UHRF2: variants seen among roughly 807,000 people sequenced by gnomAD.
The protein encoded by UHRF2 is ubiquitin like with PHD and ring finger domains 2, also known as E3 ubiquitin-protein ligase UHRF2.
In UHRF2, 23 loss-of-function variants were observed where a neutral mutation model predicts 96.8. The ratio of observed to expected loss-of-function variants is 0.24; its 90% CI spans 0.17 to 0.34. The LOEUF is 0.34. UHRF2 is among the 10% of genes least tolerant of loss of function. The pLI, the probability that UHRF2 is intolerant of heterozygous loss-of-function variation, is 1.00. For synonymous variants in UHRF2, 385 were observed against 332.6 expected, an observed-to-expected ratio of 1.16 and a Z score of -1.72; for missense variants, 685 against 981.5, an observed-to-expected ratio of 0.70 and a Z score of 4.04.
chr9:6,473,267 A>C (rs1279692865), intron 4 of UHRF2, among the ~76,000 whole-genome samples: 1 of 152,240 alleles, frequency 6.6e-6, no homozygotes, highest in African/African-American at 2.4e-5. Context: ...GGGTTGAGAC[A>C]TACCAAATAT....
At chr9:6,495,137 G>T (rs969134676) in intron 10 of UHRF2, 1 of 152,010 alleles carries the variant, frequency 6.6e-6, no homozygotes, top group African/African-American at 2.4e-5. Flanking sequence ...TTTAATAATC[G>T]ATAATTTTGC....
At chr9:6,462,305 T>G (rs1272701933) in intron 4 of UHRF2, among the ~76,000 whole-genome samples, 1 of 151,562 alleles carries the variant, frequency 6.6e-6, no homozygotes, top group Non-Finnish European at 1.5e-5. Flanking sequence ...GTGGGAAAAG[T>G]TTGCTGACTC....
At chr9:6,434,756 T>A (rs1820742618) in intron 3 of UHRF2, among the ~76,000 whole-genome samples, 1 of 152,024 alleles carries the variant, frequency 6.6e-6, no homozygotes, top group Non-Finnish European at 1.5e-5. Context: ...GGTATTTTGA[T>A]ATGTATTTTA....
intron 3 of UHRF2, among the ~76,000 whole-genome samples, chr9:6,456,546 A>G (rs1210528902): frequency 1.3e-5 from 2 of 152,062 alleles, no homozygotes; most frequent in Non-Finnish European, 1.5e-5. Flanking sequence ...ATGAGATCCC[A>G]TTTGTCAATT....
chr9:6,504,703 T>A lies in UHRF2; in HGVS notation c.2262+12T>A, dbSNP rs1167610399. On this transcript the variant is annotated intron_variant, in intron 15 of 15. Coordinates refer to ENST00000276893, the MANE Select transcript of UHRF2 (RefSeq NM_152896.3). ...ACAATGTCTGTAAAGTAAGTAGAAT[T>A]CCTTCCTCACTTTCCCTGTTAGGTA... The A allele has an allele frequency of 4.4e-6, 7 of 1,601,318 alleles. No individual in the cohort carries two copies. The highest frequency in any genetic ancestry group is 6.0e-6 in the Non-Finnish European group (7 of 1,169,782).
intron 2 of UHRF2, among the ~76,000 whole-genome samples, chr9:6,423,845 T>A (rs1190704915): frequency 2.6e-5 from 4 of 152,054 alleles, no homozygotes; most frequent in African/African-American, 4.8e-5. Flanking sequence ...CTCCGGAGGC[T>A]GAGGCAGGAG....
intron 3 of UHRF2, among the ~76,000 whole-genome samples, chr9:6,455,666 A>T (rs1822133936): frequency 6.6e-6 from 1 of 152,084 alleles, no homozygotes; most frequent in South Asian, 2.1e-4. Flanking sequence ...CTTTGGTCTG[A>T]TGATATCAGG....
chr9:6,480,837 A>G (rs1163735871), intron 6 of UHRF2, among the ~76,000 whole-genome samples: 1 of 152,206 alleles, frequency 6.6e-6, no homozygotes, highest in Non-Finnish European at 1.5e-5. Context: ...TCTCTCCTAT[A>G]GTGCTCAACA....
chr9:6,497,638 G>C (rs1007119847), intron 11 of UHRF2, among the ~76,000 whole-genome samples: 1 of 151,894 alleles, frequency 6.6e-6, no homozygotes, highest in Non-Finnish European at 1.5e-5. Flanking sequence ...GTAACTGGCT[G>C]TTGTATAACT....
At chr9:6,494,030 T>G (rs116956638) in intron 10 of UHRF2, 98 bp downstream of exon 10, 145 of 1,041,518 alleles carry the variant, frequency 1.4e-4, no homozygotes, top group Middle Eastern at 1.0e-3. Context: ...AATTTCAAAC[T>G]GGGAGTTAAA....
Position 6,497,025 on chromosome 9 carries a change from G to A in UHRF2, c.1605-173G>A, listed in dbSNP as rs932859903. 4 of 629,740 alleles carry A rather than the reference G, an allele frequency of 6.4e-6. No individual in the cohort carries two copies. In the East Asian group the frequency reaches 1.1e-4, roughly 18 times the overall value. 39.0% of individuals were successfully genotyped at this position (629,740 alleles called of 1,614,324 possible). ...GGGGGTGACATCAGAAAACTGATTT[G>A]TCTTCTCTGCTGGTGGGGGAAAGCA... is the stretch of plus-strand genomic sequence containing the variant. On this transcript the variant is annotated intron_variant, in intron 10 of 15. Transcript: ENST00000276893.
At chr9:6,420,054 C>T (rs1162467287) in intron 1 of UHRF2, among the ~76,000 whole-genome samples, 6 of 151,580 alleles carry the variant, frequency 4.0e-5, no homozygotes, top group African/African-American at 1.2e-4. Flanking sequence ...CAGCCTCCCC[C>T]GCCACCTTTT....
At chr9:6,424,966 TAACTTAGGTTTTACATC>T (rs1236263384) in intron 2 of UHRF2, among the ~76,000 whole-genome samples, 2 of 152,150 alleles carry the variant, frequency 1.3e-5, no homozygotes, top group African/African-American at 4.8e-5. Flanking sequence ...TTGCTAAGTA[TAACTTAGGTTTTACATC>T]AATGATAACA....
At chr9:6,423,965 T>TA (rs1025437420) in intron 2 of UHRF2, among the ~76,000 whole-genome samples, 1 of 150,554 alleles carries the variant, frequency 6.6e-6, no homozygotes. Flanking sequence ...AATAAATAAA[T>TA]AAAGGAACTC....
At chr9:6,466,196 T>A (rs1046094442) in intron 4 of UHRF2, among the ~76,000 whole-genome samples, 1 of 152,018 alleles carries the variant, frequency 6.6e-6, no homozygotes, top group African/African-American at 2.4e-5. Context: ...AGGTCAGGAG[T>A]TCGAGACCAG....
At chr9:6,431,721 CTTTAG>C (rs1040006470) in intron 2 of UHRF2, among the ~76,000 whole-genome samples, 8 of 152,242 alleles carry the variant, frequency 5.3e-5, no homozygotes, top group South Asian at 2.1e-4. Flanking sequence ...TGTCTGTTAA[CTTTAG>C]TTTATTGTTA....
chr9:6,488,194 G>A (rs1824423629), intron 9 of UHRF2, among the ~76,000 whole-genome samples: 1 of 140,692 alleles, frequency 7.1e-6, no homozygotes, highest in Admixed American at 7.4e-5. Context: ...AGTGAGCCAT[G>A]ATCATGCCAG....
chr9:6,458,787 G>A (rs1822338957), intron 3 of UHRF2, among the ~76,000 whole-genome samples: 1 of 152,102 alleles, frequency 6.6e-6, no homozygotes, highest in Non-Finnish European at 1.5e-5. Context: ...TTGCAGCACT[G>A]TTCACAACAG....
At chr9:6,502,458 G>GT (rs1268320141) in intron 14 of UHRF2, among the ~76,000 whole-genome samples, 1 of 152,078 alleles carries the variant, frequency 6.6e-6, no homozygotes, top group Non-Finnish European at 1.5e-5. Context: ...TTAAAATTTA[G>GT]TTTAAAAAGT....
Sources: gnomAD v4.1 joint callset for allele counts (sites outside exome capture counted in the v4.1 genomes callset) on GRCh38, gnomAD v4.1.1 for gene constraint, MANE v1.5 for transcripts, NCBI Gene and HGNC (gene_info 2026-07-23, HGNC 2026-07-21) for gene names.